Variants in NEBL observed in about 807,000 individuals in gnomAD.
The protein encoded by NEBL is LIM and SH3 protein 2.
Under a neutral mutation model 140.2 loss-of-function variants are expected in NEBL, and 122 were observed. The ratio of observed to expected loss-of-function variants is 0.87; its 90% CI spans 0.75 to 1.01. NEBL has a LOEUF of 1.01. NEBL is among the 50% of genes least tolerant of loss of function. The pLI is 0.00. For missense variants in NEBL, 1,365 were observed against 1,231.3 expected (o/e 1.11, Z -1.62); for synonymous variants, 436 against 398.9 (o/e 1.09, Z -1.11).
At chr10:20,828,831 C>T (rs762537129) in intron 16 of NEBL, among the ~76,000 whole-genome samples, 197 bp from the exon 17 acceptor site, 4 of 151,890 alleles carry the variant, frequency 2.6e-5, no homozygotes, top group South Asian at 2.1e-4. Flanking sequence ...CTCTACCATA[C>T]GACATGGCTT....
upstream of NEBL, among the ~76,000 whole-genome samples, chr10:21,176,296 C>A (rs1349342890): frequency 6.6e-6 from 1 of 152,150 alleles, no homozygotes; most frequent in African/African-American, 2.4e-5. Context: ...TGGCACCACA[C>A]CCAGATACAT....
chr10:20,833,569 C>G (rs570468978), intron 14 of NEBL, among the ~76,000 whole-genome samples: 1 of 152,062 alleles, frequency 6.6e-6, no homozygotes, highest in African/African-American at 2.4e-5. Flanking sequence ...TCAATTTACA[C>G]TGGATGTGAC....
intron 3 of NEBL, among the ~76,000 whole-genome samples, chr10:21,189,995 A>G (rs1589322248): frequency 6.6e-6 from 1 of 152,308 alleles, no homozygotes; most frequent in East Asian, 1.9e-4. Context: ...ACATCATCCC[A>G]GAATTGAGGT....
intron 2 of NEBL, among the ~76,000 whole-genome samples, chr10:21,249,505 T>C (rs1241687801): frequency 6.6e-6 from 1 of 152,038 alleles, no homozygotes. Context: ...TGGTTTTAGC[T>C]CTTACATTTA....
rs35623208 is a variant in NEBL at position 21,202,461 on chromosome 10, C to CTT, written n.349-29986_349-29985dup. Reference sequence around the variant, plus strand: ...ACCTTCTAATTTTTCTTTTCTTTTTCTTTTTTTTTTTTTTTTTTTTGAAAC... The same window carrying CTT: ...ACCTTCTAATTTTTCTTTTCTTTTTCTTTTTTTTTTTTTTTTTTTTTTGAAAC... On this transcript the variant is annotated intron_variant and non_coding_transcript_variant, in intron 3 of 8. Coordinates refer to the NEBL transcript ENST00000675702. 5.5e-3 allele frequency among the ~76,000 whole-genome samples: 642 copies of CTT among 117,282 alleles called. 8 individuals are homozygous for CTT. Among genetic ancestry groups the CTT allele is most frequent in the South Asian group, 6.9e-3 (25 of 3,646 alleles). 76.9% of individuals were successfully genotyped at this position (117,282 alleles called of 152,430 possible).
chr10:20,960,710 TAC>T (rs150909263), intron 4 of NEBL, among the ~76,000 whole-genome samples: 3 of 151,734 alleles, frequency 2.0e-5, no homozygotes, highest in East Asian at 1.9e-4. Context: ...ATGTATTTTA[TAC>T]ACACACACAC....
At chr10:20,931,113 T>C (rs1165436481) in intron 4 of NEBL, among the ~76,000 whole-genome samples, 1 of 86,754 alleles carries the variant, frequency 1.2e-5, no homozygotes, top group Non-Finnish European at 2.7e-5. Context: ...TCCTTTCCCA[T>C]AAGAAAAAAA....
intron 2 of NEBL, among the ~76,000 whole-genome samples, chr10:21,118,022 C>A (rs1341264165): frequency 6.6e-6 from 1 of 152,076 alleles, no homozygotes. Context: ...AATAATTACC[C>A]AGTGGTTGCT....
At chr10:20,808,410 G>A (rs1276901010) in intron 26 of NEBL, 100 bp downstream of exon 26, 1 of 1,216,520 alleles carries the variant, frequency 8.2e-7, no homozygotes, top group African/African-American at 1.5e-5. Flanking sequence ...ATACAGCCAG[G>A]ATAGATGTTC....
chr10:21,107,929 C>A (rs929194048), intron 2 of NEBL, among the ~76,000 whole-genome samples: 2 of 152,128 alleles, frequency 1.3e-5, no homozygotes, highest in Admixed American at 1.3e-4. Context: ...TTATCCATGT[C>A]TTCTAGATTT....
intron 3 of NEBL, among the ~76,000 whole-genome samples, chr10:21,191,734 T>C (rs530392526): frequency 6.6e-6 from 1 of 152,328 alleles, no homozygotes; most frequent in East Asian, 1.9e-4. Context: ...GCTGAAGGCA[T>C]TCTATATGGT....
At chr10:21,040,894 A>G (rs1293976899) in intron 2 of NEBL, among the ~76,000 whole-genome samples, 1 of 152,064 alleles carries the variant, frequency 6.6e-6, no homozygotes, top group African/African-American at 2.4e-5. Context: ...CCAGCTATGT[A>G]ACATGTCCCT....
intron 3 of NEBL, among the ~76,000 whole-genome samples, chr10:21,183,971 GCCTTTCA>G (rs1467882552): frequency 8.5e-5 from 13 of 152,264 alleles, no homozygotes; most frequent in South Asian, 2.1e-4. Context: ...TGTGAGACCT[GCCTTTCA>G]CCTTCCACCT....
chr10:20,894,926 CTAA>C (rs1847347222), intron 2 of NEBL, among the ~76,000 whole-genome samples: 1 of 102,642 alleles, frequency 9.7e-6, no homozygotes, highest in Admixed American at 1.1e-4. Flanking sequence ...GAGACTCTGT[CTAA>C]AAAAAAAAAA....
chr10:20,975,298 G>T (rs527662327), intron 3 of NEBL, among the ~76,000 whole-genome samples: 1 of 152,248 alleles, frequency 6.6e-6, no homozygotes, highest in South Asian at 2.1e-4. Context: ...ACATGGATAA[G>T]TGTTTCGACT....
upstream of NEBL, among the ~76,000 whole-genome samples, chr10:21,177,949 T>A (rs922116026): frequency 6.6e-6 from 1 of 152,244 alleles, no homozygotes; most frequent in African/African-American, 2.4e-5. Context: ...TGTTTTCCAT[T>A]TGTCAGGTAT....
At chr10:21,098,957 C>A (rs1400627818) in intron 2 of NEBL, among the ~76,000 whole-genome samples, 1 of 151,980 alleles carries the variant, frequency 6.6e-6, no homozygotes, top group East Asian at 1.9e-4. Context: ...GGCATCACAG[C>A]AAGAAACCAC....
intron 2 of NEBL, among the ~76,000 whole-genome samples, chr10:20,895,212 A>G (rs536121436): frequency 1.3e-5 from 2 of 152,332 alleles, no homozygotes; most frequent in African/African-American, 4.8e-5. Flanking sequence ...CTGATGGTTT[A>G]TGTAACACAA....
Position 21,173,828 on chromosome 10 carries a change from G to A in NEBL, c.6C>T (p.Asn2=), listed in dbSNP as rs773671737. ...CTTTTCCGCAACGGGCGCACTGGGG[G>A]TTCATGATCGCGGTTCCCGGGGGCG... The change falls in exon 1 of 7, where the codon AAC becomes AAT. Residue 2 remains asparagine (N), a synonymous_variant. Transcript: ENST00000417816. The surrounding 1 kb of genome is among the most constrained non-coding windows in gnomAD (Gnocchi z 5.7). The A allele has an allele frequency of 5.6e-6, 9 of 1,612,100 alleles. No individual in the cohort carries two copies. The South Asian group carries it at 6.6e-5, about 12-fold the overall frequency.
Sources: allele counts gnomAD v4.1 joint callset (sites outside exome capture counted in the v4.1 genomes callset), GRCh38; gene constraint gnomAD v4.1.1; non-coding constraint Gnocchi (gnomAD v3.1); transcripts MANE v1.5; gene names NCBI Gene and HGNC (gene_info 2026-07-23, HGNC 2026-07-21).